Variants in RPL41 observed in about 807,000 individuals in gnomAD.
RPL41 encodes small ribosomal subunit protein eS32.
In RPL41, 3 loss-of-function variants were observed where a neutral mutation model predicts 7.3. The observed-to-expected ratio is 0.41, with a 90% CI of 0.19 to 1.06. The LOEUF (loss-of-function observed/expected upper bound fraction) is 1.06. Among genes scored for constraint, RPL41 ranks in the 50% least tolerant of loss-of-function variants. The probability of loss-of-function intolerance (pLI) is 0.32; values close to 1 mark genes in which losing one functional copy is unlikely to be tolerated. For missense variants in RPL41, 13 were observed against 30.4 expected (o/e 0.43, Z 1.35); for synonymous variants, 9 against 7.4 (o/e 1.21, Z -0.34).
At position 56,117,763 on chromosome 12, in the gene RPL41, A is replaced by C. The variant is rs1243163167; in HGVS notation, c.*239A>C. 3 of 534,734 alleles carry C rather than the reference A, an allele frequency of 5.6e-6. No homozygotes were observed. Among genetic ancestry groups the C allele is most frequent in the Non-Finnish European group, 1.0e-5 (3 of 294,860 alleles). 33.1% of individuals were successfully genotyped at this position (534,734 alleles called of 1,614,324 possible). A position where few individuals can be genotyped will look rare whatever the true frequency, so the allele number is the denominator to read the frequency against. On this transcript the variant is annotated 3_prime_UTR_variant, in exon 3 of 3. Coordinates refer to ENST00000546591, the MANE Select transcript of RPL41 (RefSeq NM_001035267.2). Reference sequence around the variant, plus strand: ...GACATTCTGGACTATTTCTGTGTTTATTTGTGGCCGAGTGTAACAACCATA... The same window carrying C: ...GACATTCTGGACTATTTCTGTGTTTCTTTGTGGCCGAGTGTAACAACCATA...
chr12:56,117,488 G>A lies in RPL41; in HGVS notation c.42G>A (p.Lys14=). The A allele has an allele frequency of 2.6e-6, 4 of 1,553,468 alleles. No homozygotes were observed. Among genetic ancestry groups the A allele is most frequent in the Non-Finnish European group, 3.5e-6 (4 of 1,147,932 alleles). Reference sequence around the variant, plus strand: ...TCCTGTGTCTGCTTTTCAGGCTGAAGCGCAAAAGAAGAAAGATGAGGCAGA... The same window carrying A: ...TCCTGTGTCTGCTTTTCAGGCTGAAACGCAAAAGAAGAAAGATGAGGCAGA... ...KWRKKRMRRL[K]RKRRKMRQRS... The change falls in exon 3 of 3, where the codon AAG becomes AAA. Residue 14 remains lysine (K), a synonymous_variant. Coordinates refer to ENST00000546591, the MANE Select transcript of RPL41 (RefSeq NM_001035267.2).
chr12:56,116,995 G>A (rs1869625857), intron 1 of RPL41, 194 bp from the exon 2 acceptor site: 3 of 1,082,430 alleles, frequency 2.8e-6, no homozygotes, highest in African/African-American at 1.6e-5. Context: ...GAAAAGGGTG[G>A]AATTCTGATC....
intron 1 of RPL41, 187 bp from the exon 2 acceptor site, chr12:56,117,002 G>T: frequency 9.3e-7 from 1 of 1,076,884 alleles, no homozygotes. Flanking sequence ...GTGGAATTCT[G>T]ATCTTATGTT....
At chr12:56,117,344 T>G in intron 2 of RPL41, 133 bp downstream of exon 2, 1 of 1,411,828 alleles carries the variant, frequency 7.1e-7, no homozygotes, top group South Asian at 1.2e-5. Context: ...GAGCCAGGAT[T>G]TAACAGAACA....
chr12:56,117,415 G>A (rs1161586446), intron 2 of RPL41, 67 bp from the exon 3 acceptor site: 3 of 1,507,036 alleles, frequency 2.0e-6, no homozygotes, highest in Admixed American at 3.9e-5. Context: ...GTGGACGTTT[G>A]ATTTAATGTG....
intron 1 of RPL41, 21 bp downstream of exon 1, chr12:56,116,820 A>G (rs182700297): frequency 8.9e-5 from 144 of 1,613,980 alleles, no homozygotes; most frequent in Non-Finnish European, 1.2e-4. Flanking sequence ...CCTGGTAGTA[A>G]GCTTGGGAGG....
At chr12:56,116,851 C>G in intron 1 of RPL41, 52 bp downstream of exon 1, 1 of 1,610,392 alleles carries the variant, frequency 6.2e-7, no homozygotes, top group South Asian at 1.1e-5. Context: ...CGAGTAGTAG[C>G]GAGGAGACGA....
Position 56,117,805 on chromosome 12 carries a change from C to G in RPL41, c.*281C>G, listed in dbSNP as rs1230411820. The G allele has an allele frequency of 2.2e-6, 1 of 456,314 alleles. No homozygotes were observed. Among genetic ancestry groups the G allele is most frequent in the African/African-American group, 2.0e-5 (1 of 50,062 alleles). The allele number at this position is 456,314 out of a possible 1,614,324, so 28.3% of individuals were successfully genotyped here. A position where few individuals can be genotyped will look rare whatever the true frequency, so the allele number is the denominator to read the frequency against. On this transcript the variant is annotated 3_prime_UTR_variant, in exon 3 of 3. Coordinates refer to ENST00000546591, the MANE Select transcript of RPL41 (RefSeq NM_001035267.2). ...ACAACCATATAATAAATCACCTCTT[C>G]CGCTGTTTTAGCTGAAGAATTAAAT...
intron 2 of RPL41, 87 bp from the exon 3 acceptor site, chr12:56,117,395 C>A (rs1338985280): frequency 6.8e-7 from 1 of 1,461,208 alleles, no homozygotes; most frequent in Non-Finnish European, 9.4e-7. Flanking sequence ...TTTACCACCT[C>A]ATTCTTTATG....
At chr12:56,116,941 A>G in intron 1 of RPL41, 142 bp downstream of exon 1, 1 of 1,232,564 alleles carries the variant, frequency 8.1e-7, no homozygotes, top group Admixed American at 1.7e-5. Flanking sequence ...GTAGTTTGTG[A>G]GAGAGCTAGC....
intron 1 of RPL41, 32 bp downstream of exon 1, chr12:56,116,831 T>A (rs1177895972): frequency 6.2e-7 from 1 of 1,613,532 alleles, no homozygotes; most frequent in African/African-American, 1.3e-5. Flanking sequence ...GCTTGGGAGG[T>A]AGGAGTTGGC....
At chr12:56,117,158 T>A (rs772946363) in intron 1 of RPL41, 31 bp from the exon 2 acceptor site, 137 of 1,533,028 alleles carry the variant, frequency 8.9e-5, no homozygotes, top group South Asian at 5.7e-4. Flanking sequence ...TTTTTTTTTT[T>A]AATTATCTGC....
chr12:56,117,537 T>TG lies in RPL41; in HGVS notation c.*13_*14insG. The TG allele has an allele frequency of 6.5e-7, 1 of 1,548,246 alleles. No individual in the cohort carries two copies. Among genetic ancestry groups the TG allele is most frequent in the Middle Eastern group, 1.7e-4 (1 of 5,990 alleles). ...GAGGTCCAAGTAAACCGCTAGCTTG[T>TG]TGCACCGTGGAGGCCACAGGAGCAG... is the stretch of plus-strand genomic sequence containing the variant. On this transcript the variant is annotated 3_prime_UTR_variant, in exon 3 of 3. Coordinates refer to ENST00000546591, the MANE Select transcript of RPL41 (RefSeq NM_001035267.2).
Position 56,116,691 on chromosome 12 carries a change from C to A in RPL41, c.-97C>A. 1.4e-6 allele frequency: 2 copies of A among 1,432,848 alleles called. No homozygotes were observed. Among genetic ancestry groups the A allele is most frequent in the Admixed American group, 1.7e-5 (1 of 59,342 alleles). The allele number at this position is 1,432,848 out of a possible 1,614,324, so 88.8% of individuals were successfully genotyped here. A position where few individuals can be genotyped will look rare whatever the true frequency, so the allele number is the denominator to read the frequency against. On this transcript the variant is annotated 5_prime_UTR_variant, in exon 1 of 3. Coordinates refer to ENST00000546591, the MANE Select transcript of RPL41 (RefSeq NM_001035267.2). Reference sequence around the variant, plus strand: ...GTTTTTTGGTTCCTGCGTTGGGATTCCGTGTACAATCCATAGACATCTGAC... The same window carrying A: ...GTTTTTTGGTTCCTGCGTTGGGATTACGTGTACAATCCATAGACATCTGAC...
At chr12:56,117,085 G>A (rs1869631589) in intron 1 of RPL41, 104 bp from the exon 2 acceptor site, 4 of 1,444,852 alleles carry the variant, frequency 2.8e-6, no homozygotes, top group South Asian at 2.7e-5. Flanking sequence ...AATCTGTCCG[G>A]TTCTAAAGAG....
Position 56,117,213 on chromosome 12 carries a change from T to C in RPL41, c.35+2T>C, listed in dbSNP as rs886432370. On this transcript the variant is annotated splice_donor_variant, in intron 2 of 2. Coordinates refer to ENST00000546591, the MANE Select transcript of RPL41 (RefSeq NM_001035267.2). LOFTEE classifies it high-confidence loss of function. The stretch of plus-strand genomic sequence containing the variant: ...GTGGAGGAAGAAGCGAATGCGCAGG[T>C]ACGTTGAGACTTTGCCAGCCCAGGA... 1.2e-6 allele frequency: 2 copies of C among 1,600,690 alleles called. No homozygotes were observed. Among genetic ancestry groups the C allele is most frequent in the African/African-American group, 2.7e-5 (2 of 73,032 alleles).
At position 56,117,490 on chromosome 12, in the gene RPL41, G is replaced by A. The variant is rs866843250; in HGVS notation, c.44G>A (p.Arg15His). Reference sequence around the variant, plus strand: ...CTGTGTCTGCTTTTCAGGCTGAAGCGCAAAAGAAGAAAGATGAGGCAGAGG... The same window carrying A: ...CTGTGTCTGCTTTTCAGGCTGAAGCACAAAAGAAGAAAGATGAGGCAGAGG... ...WRKKRMRRLKRKRRKMRQRSK is the reference protein window; with the variant it reads ...WRKKRMRRLKHKRRKMRQRSK Residue 15 changes from arginine (R) to histidine (H), a missense_variant, in exon 3 of 3, where the codon CGC becomes CAC. Transcript: ENST00000546591. 1 of 1,553,340 alleles carries A rather than the reference G, an allele frequency of 6.4e-7. No individual in the cohort carries two copies. Among genetic ancestry groups the A allele is most frequent in the Non-Finnish European group, 8.7e-7 (1 of 1,147,882 alleles).
rs1367526018 is a variant in RPL41 at position 56,116,748 on chromosome 12, C to T, written c.-40C>T. On this transcript the variant is annotated 5_prime_UTR_variant, in exon 1 of 3. Coordinates refer to ENST00000546591, the MANE Select transcript of RPL41 (RefSeq NM_001035267.2). ...ACTTAGCATCATCACAGCAAACTAACTGTAGCCTTTCTCTCTTTCCCTGTA... is the reference window on the plus strand; with the variant it reads ...ACTTAGCATCATCACAGCAAACTAATTGTAGCCTTTCTCTCTTTCCCTGTA... The T allele has an allele frequency of 6.8e-6, 11 of 1,613,312 alleles. No homozygotes were observed. Among genetic ancestry groups the T allele is most frequent in the Non-Finnish European group, 8.5e-6 (10 of 1,179,346 alleles).
chr12:56,117,052 A>G (rs748813196), intron 1 of RPL41, 137 bp from the exon 2 acceptor site: 179 of 1,306,794 alleles, frequency 1.4e-4, no homozygotes, highest in Middle Eastern at 2.3e-4. Context: ...GTTACGACCA[A>G]TCTTTCATAC....
Sources: allele counts gnomAD v4.1 joint callset, GRCh38; gene constraint gnomAD v4.1.1; transcripts MANE v1.5; gene names NCBI Gene and HGNC (gene_info 2026-07-23, HGNC 2026-07-21).